COL11A1: variants seen among roughly 807,000 people sequenced by gnomAD.
COL11A1 encodes collagen type XI alpha 1 chain, also known as collagen alpha-1(XI) chain.
In COL11A1, 74 loss-of-function variants were observed where a neutral mutation model predicts 265.2. The ratio of observed to expected loss-of-function variants is 0.28; its 90% confidence interval spans 0.23 to 0.34. The LOEUF (loss-of-function observed/expected upper bound fraction) is 0.34. Among genes scored for constraint, COL11A1 ranks in the 10% least tolerant of loss-of-function variants. COL11A1 has a pLI of 1.00. For synonymous variants in COL11A1, 816 were observed against 727.6 expected (o/e 1.12, Z -1.96); for missense variants, 2,165 against 2,263.6 (o/e 0.96, Z 0.88).
rs187874148 is a variant in COL11A1 at position 103,105,611 on chromosome 1, A to C, written c.106+2462T>G. On this transcript the variant is annotated intron_variant, in intron 1 of 66. Coordinates refer to ENST00000370096, the MANE Select transcript of COL11A1 (RefSeq NM_001854.4). ...AAATTATCTTTGTGCTTAATATCCA[A>C]ATCTTATCACTGTACCTCAATGAAA... is the stretch of plus-strand genomic sequence containing the variant. 2.4e-4 allele frequency among the ~76,000 whole-genome samples: 36 copies of C among 152,240 alleles called. 1 individual carries two copies. In the East Asian group the frequency reaches 6.9e-3, roughly 29 times the overall value.
intron 62 of COL11A1, among the ~76,000 whole-genome samples, chr1:102,887,631 T>C (rs1019254750): frequency 6.6e-6 from 1 of 152,148 alleles, no homozygotes; most frequent in Non-Finnish European, 1.5e-5. Flanking sequence ...AGTTATCATA[T>C]TGTCATGGGT....
At chr1:102,975,455 A>G (rs968113172) in intron 35 of COL11A1, among the ~76,000 whole-genome samples, 12 of 152,128 alleles carry the variant, frequency 7.9e-5, no homozygotes, top group African/African-American at 2.9e-4. Flanking sequence ...ACTCATGTAT[A>G]AATTTCTTTT....
intron 42 of COL11A1, 55 bp from the exon 43 acceptor site, chr1:102,940,489 G>T: frequency 7.9e-7 from 1 of 1,270,990 alleles, no homozygotes; most frequent in Non-Finnish European, 1.1e-6. Context: ...GCAGCTACAA[G>T]AGTAATAATC....
At chr1:102,910,957 C>A (rs1021577938) in intron 54 of COL11A1, among the ~76,000 whole-genome samples, 1 of 151,980 alleles carries the variant, frequency 6.6e-6, no homozygotes. Context: ...GTTATTCTTC[C>A]AAAAGGTCTG....
Position 102,914,823 on chromosome 1 carries a change from T to TAAAAAA in COL11A1, c.3817-18_3817-13dup. ...TCTCCTTTGGGACCCTAAACAATGTTAAAAAAAAAAAAAGAAGAAGAAGGA... is the reference window on the plus strand; with the variant it reads ...TCTCCTTTGGGACCCTAAACAATGTTAAAAAAAAAAAAAAAAAAAGAAGAAGAAGGA... On this transcript the variant is annotated splice_polypyrimidine_tract_variant and intron_variant, in intron 50 of 66. Transcript: ENST00000370096. The TAAAAAA allele has an allele frequency of 7.9e-7, 1 of 1,268,950 alleles. No individual in the cohort carries two copies. The highest frequency in any genetic ancestry group is 1.1e-6 in the Non-Finnish European group (1 of 903,426). The allele number at this position is 1,268,950 out of a possible 1,614,324, so 78.6% of individuals were successfully genotyped here. A position where few individuals can be genotyped will look rare whatever the true frequency, so the allele number is the denominator to read the frequency against.
chr1:102,901,513 A>T (rs1203688950), intron 54 of COL11A1, among the ~76,000 whole-genome samples: 1 of 35,952 alleles, frequency 2.8e-5, no homozygotes, highest in African/African-American at 1.2e-4. Context: ...ATTCTGTTAT[A>T]GTAGTACAAA....
intron 38 of COL11A1, among the ~76,000 whole-genome samples, chr1:102,965,185 T>TTATTAGTAGA (rs1661290314): frequency 6.6e-6 from 1 of 152,166 alleles, no homozygotes; most frequent in South Asian, 2.1e-4. Context: ...CTTTGTATTT[T>TTATTAGTAGA]TATTAGTAGA....
intron 50 of COL11A1, 89 bp from the exon 51 acceptor site, chr1:102,914,900 C>G: frequency 3.9e-6 from 4 of 1,032,088 alleles, no homozygotes; most frequent in Non-Finnish European, 4.3e-6. Flanking sequence ...CCTTGGCACA[C>G]TGGGCCAGAA....
At position 102,881,634 on chromosome 1, in the gene COL11A1, C is replaced by T; in HGVS notation, c.5040+63G>A. Reference sequence around the variant, plus strand: ...CTTTCACTGTTAAAGTCCAGAAATACATAATCAGAATGTCACTTCTTGAGT... The same window carrying T: ...CTTTCACTGTTAAAGTCCAGAAATATATAATCAGAATGTCACTTCTTGAGT... On this transcript the variant is annotated intron_variant, in intron 65 of 66. Coordinates refer to ENST00000370096, the MANE Select transcript of COL11A1 (RefSeq NM_001854.4). 2.3e-6 allele frequency: 3 copies of T among 1,296,188 alleles called. 1 individual carries two copies. The South Asian group carries it at 3.6e-5, about 15-fold the overall frequency. The allele number at this position is 1,296,188 out of a possible 1,614,324, so 80.3% of individuals were successfully genotyped here.
At chr1:103,076,545 G>C (rs1671989330) in intron 3 of COL11A1, among the ~76,000 whole-genome samples, 1 of 151,944 alleles carries the variant, frequency 6.6e-6, no homozygotes, top group Non-Finnish European at 1.5e-5. Flanking sequence ...TTTGCCCCTT[G>C]CACATGTTCT....
At chr1:103,002,006 A>C in intron 23 of COL11A1, 37 bp from the exon 24 acceptor site, 1 of 1,548,260 alleles carries the variant, frequency 6.5e-7, no homozygotes, top group Non-Finnish European at 8.9e-7. Context: ...ATCAGATATC[A>C]AATCACAGTA....
intron 41 of COL11A1, among the ~76,000 whole-genome samples, chr1:102,955,456 A>G (rs760506922): frequency 4.2e-4 from 64 of 152,314 alleles, no homozygotes; most frequent in Non-Finnish European, 1.9e-4. Context: ...ATTCTGTACC[A>G]GCTATCTGGC....
chr1:102,894,731 G>A (rs1652200604), intron 57 of COL11A1, among the ~76,000 whole-genome samples: 1 of 151,970 alleles, frequency 6.6e-6, no homozygotes, highest in Non-Finnish European at 1.5e-5. Context: ...TATTTATATA[G>A]GCTGATCATC....
intron 1 of COL11A1, among the ~76,000 whole-genome samples, chr1:103,086,404 A>T (rs1672861148): frequency 6.7e-6 from 1 of 149,970 alleles, no homozygotes; most frequent in South Asian, 2.2e-4. Flanking sequence ...TCCACAACGT[A>T]TCTATTTTGT....
chr1:103,098,956 T>C (rs193050178), intron 1 of COL11A1, among the ~76,000 whole-genome samples: 2 of 151,886 alleles, frequency 1.3e-5, no homozygotes, highest in African/African-American at 4.8e-5. Flanking sequence ...TCAAGATACT[T>C]CCATAGACAT....
At chr1:103,065,445 G>A (rs1359280125) in intron 4 of COL11A1, among the ~76,000 whole-genome samples, 2 of 148,954 alleles carry the variant, frequency 1.3e-5, no homozygotes, top group African/African-American at 4.9e-5. Flanking sequence ...GCATGAACCC[G>A]GGAGGCGGAG....
At chr1:103,021,845 TTTTTC>T (rs1242864465) in intron 8 of COL11A1, 76 bp from the exon 9 acceptor site, 34 of 1,151,238 alleles carry the variant, frequency 3.0e-5, no homozygotes, top group Middle Eastern at 1.9e-4. Flanking sequence ...CTTCTTTTTT[TTTTTC>T]TTTCTTTCTT....
chr1:102,935,073 G>T lies in COL11A1; in HGVS notation c.3479C>A (p.Ala1160Asp), dbSNP rs1658006964. 1.9e-6 allele frequency: 3 copies of T among 1,614,010 alleles called. No homozygotes were observed. The highest frequency in any genetic ancestry group is 2.2e-5 in the East Asian group (1 of 44,864). ...GPPGLQGPVG[A>D]PGIAGGDGEP... ...TGGAATACTCACAGCAATTCCAGGG[G>T]CACCAACTGGTCCTTGAAGACCTGG... The change falls in exon 45 of 67, where the codon GCC becomes GAC. Residue 1160 changes from alanine (A) to aspartate (D), a missense_variant. Coordinates refer to ENST00000370096, the MANE Select transcript of COL11A1 (RefSeq NM_001854.4).
At position 103,078,819 on chromosome 1, in the gene COL11A1, T is replaced by C; in HGVS notation, c.327A>G (p.Lys109=). The change falls in exon 3 of 67, where the codon AAA becomes AAG. Residue 109 remains lysine, a synonymous_variant. Coordinates refer to ENST00000370096, the MANE Select transcript of COL11A1 (RefSeq NM_001854.4). ...FSILFTVKPK[K]GIQSFLLSIY... ...TAGATAAAAGGAAAGACTGAATTCC[T>C]TTTTTTGGTTTTACTGTAAATAGTA... The C allele has an allele frequency of 6.2e-7, 1 of 1,609,672 alleles. No individual in the cohort carries two copies. The highest frequency in any genetic ancestry group is 2.2e-5 in the East Asian group (1 of 44,796).
Sources: gnomAD v4.1 joint callset for allele counts (sites outside exome capture counted in the v4.1 genomes callset) on GRCh38, gnomAD v4.1.1 for gene constraint, MANE v1.5 for transcripts, NCBI Gene and HGNC (gene_info 2026-07-23, HGNC 2026-07-21) for gene names.